The following COPG2 variants were observed in gnomAD, a reference collection of about 807,000 sequenced individuals.
The protein encoded by COPG2 is coat protein complex I subunit gamma 2.
COPG2 carries 37 observed loss-of-function variants against 46.3 expected under a neutral mutation model. The ratio of observed to expected loss-of-function variants is 0.80; its 90% CI spans 0.61 to 1.05. COPG2 has a LOEUF of 1.05. Among genes scored for constraint, COPG2 ranks in the 50% least tolerant of loss-of-function variants. The pLI is 0.00. For synonymous variants in COPG2, 159 were observed against 129.7 expected, an observed-to-expected ratio of 1.23 and a Z score of -1.53; for missense variants, 427 against 387.8, an observed-to-expected ratio of 1.10 and a Z score of -0.85.
chr7:130,555,880 G>A (rs1793615332), intron 12 of COPG2, among the ~76,000 whole-genome samples: 1 of 152,136 alleles, frequency 6.6e-6, no homozygotes, highest in Non-Finnish European at 1.5e-5. Flanking sequence ...GTGTCAAGAT[G>A]TGTGAAGAAC....
chr7:130,635,982 AG>A (rs1297012078), intron 5 of COPG2, among the ~76,000 whole-genome samples: 1 of 152,182 alleles, frequency 6.6e-6, no homozygotes, highest in Non-Finnish European at 1.5e-5. Context: ...ATTCAGGGGC[AG>A]GTTGTTCAGT....
rs1799535332 is a variant in COPG2, at chr7:130,508,248, C to T, written c.2247+314G>A. 1.5e-5 allele frequency: 4 copies of T among 265,104 alleles called. No individual in the cohort carries two copies. The East Asian group carries it at 2.9e-4, about 19-fold the overall frequency. The allele number at this position is 265,104 out of a possible 1,614,324, so 16.4% of individuals were successfully genotyped here. A position where few individuals can be genotyped will look rare whatever the true frequency, so the allele number is the denominator to read the frequency against. ...CAAAAAACAAAACCAACCCCCTCCC[C>T]AAATCATTTTAAATAAAACTGATCT... is the stretch of plus-strand genomic sequence containing the variant. On this transcript the variant is annotated intron_variant, in intron 21 of 23. Coordinates refer to ENST00000425248, the MANE Select transcript of COPG2 (RefSeq NM_012133.6).
intron 5 of COPG2, among the ~76,000 whole-genome samples, chr7:130,628,815 C>G (rs993485820): frequency 6.6e-6 from 1 of 152,162 alleles, no homozygotes; most frequent in Non-Finnish European, 1.5e-5. Flanking sequence ...GAGGCCGAGG[C>G]AGGAGGATCA....
intron 20 of COPG2, among the ~76,000 whole-genome samples, chr7:130,530,632 C>T (rs1488222307): frequency 6.6e-6 from 1 of 152,070 alleles, no homozygotes; most frequent in African/African-American, 2.4e-5. Flanking sequence ...AAATATGGGC[C>T]ACAGACAGGC....
chr7:130,529,452 T>C (rs1799803764), intron 20 of COPG2, among the ~76,000 whole-genome samples: 2 of 152,082 alleles, frequency 1.3e-5, no homozygotes, highest in Non-Finnish European at 1.5e-5. Flanking sequence ...AGAAGGTGCA[T>C]GATAGGGGGA....
At chr7:130,597,187 T>C (rs563025385) in intron 9 of COPG2, among the ~76,000 whole-genome samples, 2 of 152,242 alleles carry the variant, frequency 1.3e-5, no homozygotes, top group East Asian at 1.9e-4. Flanking sequence ...TTCACACCCT[T>C]CTCTACAGAA....
intron 9 of COPG2, among the ~76,000 whole-genome samples, chr7:130,578,024 T>C (rs544302198): frequency 7.9e-5 from 12 of 152,362 alleles, no homozygotes; most frequent in Non-Finnish European, 1.6e-4. Context: ...CCTGCCTCTG[T>C]AGGCTCCACC....
chr7:130,662,169 A>G (rs1356539416), intron 4 of COPG2, among the ~76,000 whole-genome samples: 1 of 152,172 alleles, frequency 6.6e-6, no homozygotes, highest in Non-Finnish European at 1.5e-5. Flanking sequence ...TTGCCTGTAG[A>G]GTATATAATG....
intron 20 of COPG2, among the ~76,000 whole-genome samples, chr7:130,518,386 C>T (rs1210175847): frequency 1.3e-5 from 2 of 152,014 alleles, no homozygotes; most frequent in African/African-American, 4.8e-5. Flanking sequence ...GATTCAAAGC[C>T]ACTGATAGCA....
intron 20 of COPG2, among the ~76,000 whole-genome samples, chr7:130,529,491 T>C (rs987739322): frequency 2.0e-5 from 3 of 152,064 alleles, no homozygotes; most frequent in Non-Finnish European, 4.4e-5. Flanking sequence ...GGTCTCAACA[T>C]TGGTAAAGGG....
chr7:130,551,322 C>T lies in COPG2; in HGVS notation c.1567G>A (p.Glu523Lys). ...TAGAAGGTAGCTCTGTCTCGTACCT[C>T]GTCATCAGTATCCATCATACACCTG... ...LQRCMMDTDD[E>K]VRDRATFYLN... Residue 523 changes from glutamate (E) to lysine (K), a missense_variant, in exon 16 of 24, where the codon GAG (glutamate) becomes AAG (lysine). Coordinates refer to ENST00000425248, the MANE Select transcript of COPG2 (RefSeq NM_012133.6). 2.5e-6 allele frequency: 1 copy of T among 398,520 alleles called. No homozygotes were observed. The highest frequency in any genetic ancestry group is 4.4e-6 in the Non-Finnish European group (1 of 225,998). 24.7% of individuals were successfully genotyped at this position (398,520 alleles called of 1,614,324 possible).
At chr7:130,601,081 G>C (rs1163873997) in intron 9 of COPG2, among the ~76,000 whole-genome samples, 1 of 152,152 alleles carries the variant, frequency 6.6e-6, no homozygotes, top group Non-Finnish European at 1.5e-5. Flanking sequence ...CATCATCACT[G>C]GTCATTAGAG....
chr7:130,655,198 A>T (rs1372140303), intron 4 of COPG2, among the ~76,000 whole-genome samples: 1 of 152,136 alleles, frequency 6.6e-6, no homozygotes, highest in Non-Finnish European at 1.5e-5. Context: ...TATGATCTTA[A>T]ATAGTATTGA....
intron 9 of COPG2, among the ~76,000 whole-genome samples, chr7:130,567,193 G>C (rs1039687132): frequency 1.0e-3 from 159 of 152,280 alleles, no homozygotes; most frequent in African/African-American, 3.6e-3. Context: ...GCTAAACATT[G>C]AGTGCACATG....
chr7:130,603,104 C>T (rs1794667275), intron 9 of COPG2, among the ~76,000 whole-genome samples: 1 of 152,142 alleles, frequency 6.6e-6, no homozygotes, highest in South Asian at 2.1e-4. Flanking sequence ...TAAATATTTA[C>T]TATCCCTTTA....
intron 9 of COPG2, among the ~76,000 whole-genome samples, chr7:130,588,960 C>T (rs934528732): frequency 6.6e-6 from 1 of 152,052 alleles, no homozygotes; most frequent in African/African-American, 2.4e-5. Context: ...CATATACACA[C>T]AAGGAGAAAC....
intron 4 of COPG2, among the ~76,000 whole-genome samples, chr7:130,658,117 T>G (rs545593171): frequency 2.4e-4 from 36 of 152,240 alleles, no homozygotes; most frequent in Non-Finnish European, 3.4e-4. Context: ...ATGTTGTTTA[T>G]AATCACCAAA....
intron 9 of COPG2, among the ~76,000 whole-genome samples, chr7:130,573,295 A>C (rs1292635590): frequency 2.0e-5 from 3 of 151,832 alleles, no homozygotes; most frequent in Non-Finnish European, 4.4e-5. Flanking sequence ...CCAATTCTTC[A>C]CAACTCTTTC....
intron 9 of COPG2, chr7:130,610,549 G>A (rs377189611): frequency 3.8e-6 from 2 of 521,016 alleles, no homozygotes; most frequent in South Asian, 1.4e-5. Context: ...AGTATATTTG[G>A]TCACATCTTA....
Sources: allele counts gnomAD v4.1 joint callset (sites outside exome capture counted in the v4.1 genomes callset), GRCh38; gene constraint gnomAD v4.1.1; transcripts MANE v1.5; gene names NCBI Gene and HGNC (gene_info 2026-07-23, HGNC 2026-07-21).